PLEKHB2: variants seen among roughly 807,000 people sequenced by gnomAD.
PLEKHB2 encodes pleckstrin homology domain containing B2, also known as pleckstrin homology domain-containing family B member 2.
PLEKHB2 carries 31 observed loss-of-function variants against 36.5 expected under a neutral mutation model. The ratio of observed to expected loss-of-function variants is 0.85; its 90% CI spans 0.64 to 1.15. The LOEUF is 1.15. PLEKHB2 is among the 50% of genes most tolerant of loss of function. The probability of loss-of-function intolerance (pLI) is 0.00; values close to 1 mark genes in which losing one functional copy is unlikely to be tolerated. For missense variants in PLEKHB2, 262 were observed against 295.3 expected (o/e 0.89, Z 0.83); for synonymous variants, 119 against 112.0 (o/e 1.06, Z -0.39).
intron 1 of PLEKHB2, among the ~76,000 whole-genome samples, chr2:131,119,795 G>T (rs556115283): frequency 2.0e-5 from 3 of 152,158 alleles, no homozygotes; most frequent in Non-Finnish European, 4.4e-5. Context: ...AATTGTATCT[G>T]TTGAATTGAG....
chr2:131,146,815 T>A lies in PLEKHB2; in HGVS notation c.*42T>A. 2.0e-6 allele frequency: 3 copies of A among 1,506,936 alleles called. No individual in the cohort carries two copies. The highest frequency in any genetic ancestry group is 2.7e-6 in the Non-Finnish European group (3 of 1,117,582). 93.3% of individuals were successfully genotyped at this position (1,506,936 alleles called of 1,614,324 possible). Reference sequence around the variant, plus strand: ...ATGTGCATAGCTTCTGATAACCCTGTGTGCAATAATATGATTTGCAGGGCA... The same window carrying A: ...ATGTGCATAGCTTCTGATAACCCTGAGTGCAATAATATGATTTGCAGGGCA... On this transcript the variant is annotated 3_prime_UTR_variant, in exon 8 of 8. Coordinates refer to ENST00000693505, the MANE Select transcript of PLEKHB2 (RefSeq NM_001100623.2).
At chr2:131,111,849 T>G (rs1056689388) in intron 1 of PLEKHB2, among the ~76,000 whole-genome samples, 1 of 152,150 alleles carries the variant, frequency 6.6e-6, no homozygotes, top group Non-Finnish European at 1.5e-5. Context: ...ATTCTTGAGG[T>G]TTTTTTCTTG....
intron 1 of PLEKHB2, among the ~76,000 whole-genome samples, chr2:131,114,359 C>T (rs1030461536): frequency 5.3e-5 from 8 of 152,170 alleles, no homozygotes; most frequent in African/African-American, 1.7e-4. Flanking sequence ...CTCCTGACCT[C>T]GTGATCCACC....
intron 4 of PLEKHB2, among the ~76,000 whole-genome samples, chr2:131,129,496 C>T (rs1020644324): frequency 1.3e-5 from 2 of 151,952 alleles, no homozygotes; most frequent in African/African-American, 4.8e-5. Context: ...TGAGGGAGTG[C>T]ACAAGAGAAC....
intron 5 of PLEKHB2, 135 bp from the exon 6 acceptor site, chr2:131,132,767 C>T (rs1314179432): frequency 1.8e-6 from 1 of 564,798 alleles, no homozygotes; most frequent in Non-Finnish European, 3.2e-6. Flanking sequence ...GGGAGTTTTT[C>T]CTGTTTTGCA....
chr2:131,115,681 T>C (rs1695803038), intron 1 of PLEKHB2, among the ~76,000 whole-genome samples: 1 of 152,168 alleles, frequency 6.6e-6, no homozygotes, highest in Non-Finnish European at 1.5e-5. Context: ...TAACACATTC[T>C]ACTGTAATAT....
chr2:131,132,860 C>A, intron 5 of PLEKHB2, 42 bp from the exon 6 acceptor site: 2 of 1,138,878 alleles, frequency 1.8e-6, no homozygotes, highest in Non-Finnish European at 2.7e-6. Context: ...CACACAGCTG[C>A]TGGGAAGCTG....
chr2:131,136,405 T>G (rs1256983428), intron 6 of PLEKHB2, among the ~76,000 whole-genome samples: 1 of 151,512 alleles, frequency 6.6e-6, no homozygotes, highest in Admixed American at 6.6e-5. Flanking sequence ...AGACAGGGTC[T>G]TGTTCTGTTG....
chr2:131,145,651 A>G (rs1272408167), intron 7 of PLEKHB2, among the ~76,000 whole-genome samples: 15 of 152,324 alleles, frequency 9.8e-5, no homozygotes, highest in Non-Finnish European at 8.8e-5. Context: ...CCTTTGAACC[A>G]TTAAAGGAAT....
chr2:131,130,560 A>T (rs946654653), intron 4 of PLEKHB2, among the ~76,000 whole-genome samples, 161 bp from the exon 5 acceptor site: 1 of 152,200 alleles, frequency 6.6e-6, no homozygotes, highest in African/African-American at 2.4e-5. Context: ...TGTAATTTTT[A>T]AAAATATATA....
At position 131,125,927 on chromosome 2, in the gene PLEKHB2, A is replaced by G. The variant is rs140535649; in HGVS notation, c.190+22A>G. On this transcript the variant is annotated intron_variant, in intron 3 of 7. Transcript: ENST00000693505. Reference sequence around the variant, plus strand: ...CGGGGTAAGCTGGCCTGTCTTGGCCAACTTCTGTCTTCTGCTCTTCCTCTG... The same window carrying G: ...CGGGGTAAGCTGGCCTGTCTTGGCCGACTTCTGTCTTCTGCTCTTCCTCTG... The G allele has an allele frequency of 6.3e-3, 10,210 of 1,608,126 alleles. 78 individuals carry two copies. The highest frequency in any genetic ancestry group is 0.026 in the South Asian group (2,357 of 90,626).
chr2:131,106,728 G>A lies in PLEKHB2; in HGVS notation c.-9+1330G>A, dbSNP rs184802856. Among the ~76,000 whole-genome samples, 15 of 152,236 alleles carry A rather than the reference G, an allele frequency of 9.9e-5. No individual in the cohort carries two copies. In the East Asian group the frequency reaches 2.5e-3, roughly 26 times the overall value. On this transcript the variant is annotated intron_variant, in intron 1 of 7. Transcript: ENST00000693505. Reference sequence around the variant, plus strand: ...TGCCTGGTGTTTACTCTCTGTGGTGGTGATCTCTTTACTCGACTCTTCCCT... The same window carrying A: ...TGCCTGGTGTTTACTCTCTGTGGTGATGATCTCTTTACTCGACTCTTCCCT...
chr2:131,106,044 G>A (rs1245018074), intron 1 of PLEKHB2, among the ~76,000 whole-genome samples: 3 of 152,172 alleles, frequency 2.0e-5, no homozygotes, highest in Non-Finnish European at 2.9e-5. Flanking sequence ...AGTCATAAGT[G>A]CTTGGTGTAC....
Position 131,126,336 on chromosome 2 carries a change from G to T in PLEKHB2, c.191-348G>T, listed in dbSNP as rs1697102701. 2.0e-5 allele frequency among the ~76,000 whole-genome samples: 3 copies of T among 152,120 alleles called. No homozygotes were observed. In the South Asian group the frequency reaches 6.2e-4, roughly 31 times the overall value. The stretch of plus-strand genomic sequence containing the variant: ...AGGGCAGGAGTTCAAGACCACCCTG[G>T]CCAAGATGGTGAAACCCCAACTCTA... On this transcript the variant is annotated intron_variant, in intron 3 of 7. Transcript: ENST00000693505.
intron 2 of PLEKHB2, among the ~76,000 whole-genome samples, chr2:131,122,699 G>A (rs1368558543): frequency 5.9e-5 from 9 of 152,152 alleles, no homozygotes; most frequent in Admixed American, 2.6e-4. Flanking sequence ...CCCAGAGACC[G>A]GTCTTCAGCC....
rs191464482 is a variant in PLEKHB2 at position 131,115,620 on chromosome 2, C to T, written c.-8-5314C>T. Among the ~76,000 whole-genome samples the T allele has an allele frequency of 1.6e-4, 25 of 152,016 alleles. No homozygotes were observed. In the East Asian group the frequency reaches 3.7e-3, roughly 22 times the overall value. ...CACCTGCCTCAGTCTCCCAAAATGC[C>T]GGGATTACAGGCGTGAGCTACTGCG... On this transcript the variant is annotated intron_variant, in intron 1 of 7. Transcript: ENST00000693505.
chr2:131,113,680 A>G (rs772010908), intron 1 of PLEKHB2, among the ~76,000 whole-genome samples: 7 of 152,144 alleles, frequency 4.6e-5, no homozygotes, highest in Non-Finnish European at 1.0e-4. Flanking sequence ...TCTTGGGACT[A>G]TGCCTTTGCT....
chr2:131,110,691 G>A (rs1695216140), intron 1 of PLEKHB2, among the ~76,000 whole-genome samples: 2 of 151,752 alleles, frequency 1.3e-5, no homozygotes, highest in Non-Finnish European at 2.9e-5. Context: ...TGATTTGACT[G>A]GGTGTGGAAT....
Position 131,126,851 on chromosome 2 carries a change from A to G in PLEKHB2, c.293+65A>G, listed in dbSNP as rs532569252. 4 of 942,860 alleles carry G rather than the reference A, an allele frequency of 4.2e-6. No individual in the cohort carries two copies. The East Asian group carries it at 1.0e-4, about 24-fold the overall frequency. The allele number at this position is 942,860 out of a possible 1,614,324, so 58.4% of individuals were successfully genotyped here. On this transcript the variant is annotated intron_variant, in intron 4 of 7. Transcript: ENST00000693505. ...TTTCTATTTTAACTTCTGATTACCA[A>G]AAAATGAAAAGAAAGGGCGTGGAGT... is the stretch of plus-strand genomic sequence containing the variant.
Sources: allele counts gnomAD v4.1 joint callset (sites outside exome capture counted in the v4.1 genomes callset), GRCh38; gene constraint gnomAD v4.1.1; transcripts MANE v1.5; gene names NCBI Gene and HGNC (gene_info 2026-07-23, HGNC 2026-07-21).